SCAF8: variants seen among roughly 807,000 people sequenced by gnomAD.
The protein encoded by SCAF8 is SR-related and CTD-associated factor 8.
Under a neutral mutation model 140.5 loss-of-function variants are expected in SCAF8, and 23 were observed. The observed-to-expected ratio is 0.16, with a 90% CI of 0.12 to 0.23. The LOEUF (loss-of-function observed/expected upper bound fraction) is 0.23, where lower values mean the gene tolerates loss of function less well. Among genes scored for constraint, SCAF8 ranks in the 10% least tolerant of loss-of-function variants. SCAF8 has a pLI of 1.00. For synonymous variants in SCAF8, 575 were observed against 528.9 expected (o/e 1.09, Z -1.20); for missense variants, 1,397 against 1,555.7 (o/e 0.90, Z 1.72).
chr6:154,822,006 A>G (rs749637107), intron 15 of SCAF8, among the ~76,000 whole-genome samples: 28 of 152,188 alleles, frequency 1.8e-4, no homozygotes, highest in Non-Finnish European at 2.9e-4. Context: ...ATTGAGATAC[A>G]TATCTATTGT....
intron 1 of SCAF8, among the ~76,000 whole-genome samples, chr6:154,734,316 T>G (rs1406025957): frequency 6.6e-6 from 1 of 152,190 alleles, no homozygotes; most frequent in Non-Finnish European, 1.5e-5. Flanking sequence ...ACGCTGGACA[T>G]GACTCTCCAG....
At chr6:154,749,240 C>T (rs960052710) in intron 1 of SCAF8, among the ~76,000 whole-genome samples, 3 of 152,204 alleles carry the variant, frequency 2.0e-5, no homozygotes, top group East Asian at 3.8e-4. Flanking sequence ...CGCACCCAGC[C>T]TAAAATCTCT....
Position 154,811,960 on chromosome 6 carries a change from C to T in SCAF8, c.1420+1752C>T, listed in dbSNP as rs1778104683. ...TCATTGATGGACATTTGGATTGGTTCCAAATCTTTGCTACTGTGAGTAGTG... is the reference window on the plus strand; with the variant it reads ...TCATTGATGGACATTTGGATTGGTTTCAAATCTTTGCTACTGTGAGTAGTG... On this transcript the variant is annotated intron_variant, in intron 12 of 19. Transcript: ENST00000367178. 2.6e-5 allele frequency among the ~76,000 whole-genome samples: 4 copies of T among 152,004 alleles called. No individual in the cohort carries two copies. The South Asian group carries it at 8.3e-4, about 32-fold the overall frequency.
At chr6:154,829,248 T>A (rs1778657369) in intron 18 of SCAF8, among the ~76,000 whole-genome samples, 2 of 151,650 alleles carry the variant, frequency 1.3e-5, no homozygotes, top group Non-Finnish European at 2.9e-5. Context: ...TTTTTTTTTT[T>A]ACATTTTTAT....
intron 1 of SCAF8, among the ~76,000 whole-genome samples, chr6:154,753,918 G>T (rs535792258): frequency 2.6e-5 from 4 of 152,114 alleles, no homozygotes; most frequent in Non-Finnish European, 5.9e-5. Context: ...GCTCACCGTA[G>T]CCTTGAACTC....
Position 154,820,217 on chromosome 6 carries a change from A to G in SCAF8, c.1676A>G (p.Lys559Arg). The G allele has an allele frequency of 6.2e-7, 1 of 1,605,254 alleles. No individual in the cohort carries two copies. The highest frequency in any genetic ancestry group is 8.5e-7 in the Non-Finnish European group (1 of 1,177,590). ...ALNKGVKTEY[K>R]QFWDVDLGVT... ...AACAAAGGTGTAAAAACAGAATACA[A>G]ACAATTCTGGGATGTGGATCTTGGA... Residue 559 changes from lysine (K) to arginine (R), a missense_variant, in exon 15 of 20, where the codon AAA becomes AGA. By Grantham distance (26) the Lys-to-Arg change is conservative. Coordinates refer to ENST00000367178, the MANE Select transcript of SCAF8 (RefSeq NM_014892.5).
At chr6:154,821,165 G>A (rs1778411939) in intron 15 of SCAF8, among the ~76,000 whole-genome samples, 1 of 152,172 alleles carries the variant, frequency 6.6e-6, no homozygotes, top group African/African-American at 2.4e-5. Context: ...ATGGCAGTGA[G>A]ACAAATAGAC....
chr6:154,818,252 G>T (rs986696155), intron 13 of SCAF8, among the ~76,000 whole-genome samples: 3 of 151,892 alleles, frequency 2.0e-5, no homozygotes, highest in African/African-American at 7.3e-5. Flanking sequence ...CGTGGCTTAT[G>T]ATACCTAATT....
chr6:154,800,128 T>C lies in SCAF8; in HGVS notation c.607-1843T>C, dbSNP rs1053829335. Among the ~76,000 whole-genome samples, 43 of 151,464 alleles carry C rather than the reference T, an allele frequency of 2.8e-4. 1 individual carries two copies. The highest frequency in any genetic ancestry group is 8.4e-4 in the African/African-American group (35 of 41,480). ...CTGTAAACTCTTACCTGTCATTGTT[T>C]ACACTCCCGTTCTCTCTCGCCTCTG... On this transcript the variant is annotated intron_variant, in intron 6 of 19. Coordinates refer to ENST00000367178, the MANE Select transcript of SCAF8 (RefSeq NM_014892.5).
chr6:154,733,484 G>A lies in SCAF8; in HGVS notation c.-417G>A. 1 of 1,331,436 alleles carries A rather than the reference G, an allele frequency of 7.5e-7. No individual in the cohort carries two copies. The highest frequency in any genetic ancestry group is 3.9e-5 in the Admixed American group (1 of 25,572). The allele number at this position is 1,331,436 out of a possible 1,614,324, so 82.5% of individuals were successfully genotyped here. A position where few individuals can be genotyped will look rare whatever the true frequency, so the allele number is the denominator to read the frequency against. On this transcript the variant is annotated 5_prime_UTR_variant, in exon 1 of 20. Coordinates refer to ENST00000367178, the MANE Select transcript of SCAF8 (RefSeq NM_014892.5). Reference sequence around the variant, plus strand: ...TCTTCGCCGAGCGGGGCTGGTTCCTGCGGCCCGAGCGGCGGGGAGGTGAAA... The same window carrying A: ...TCTTCGCCGAGCGGGGCTGGTTCCTACGGCCCGAGCGGCGGGGAGGTGAAA...
At chr6:154,809,333 GA>G (rs1294935806) in intron 11 of SCAF8, among the ~76,000 whole-genome samples, 40 of 152,272 alleles carry the variant, frequency 2.6e-4, no homozygotes, top group African/African-American at 9.6e-4. Context: ...AATGGTGTAA[GA>G]GGGGCAGTAC....
intron 13 of SCAF8, among the ~76,000 whole-genome samples, chr6:154,817,511 G>T (rs1306162629): frequency 6.6e-6 from 1 of 152,090 alleles, no homozygotes; most frequent in Non-Finnish European, 1.5e-5. Context: ...ATTCAGTTTG[G>T]CATTTAGTAG....
intron 1 of SCAF8, among the ~76,000 whole-genome samples, chr6:154,749,143 G>A (rs1749034354): frequency 6.6e-6 from 1 of 152,066 alleles, no homozygotes; most frequent in African/African-American, 2.4e-5. Context: ...AGTTTCTCCT[G>A]GTTTATTAGG....
chr6:154,814,797 C>A (rs951710908), intron 12 of SCAF8, among the ~76,000 whole-genome samples: 79 of 152,288 alleles, frequency 5.2e-4, no homozygotes, highest in African/African-American at 1.9e-3. Flanking sequence ...CAAGGTGTCT[C>A]ATGTTTAATA....
chr6:154,754,161 TA>T (rs1311923282), intron 1 of SCAF8, among the ~76,000 whole-genome samples: 75 of 152,362 alleles, frequency 4.9e-4, no homozygotes, highest in African/African-American at 1.7e-3. Context: ...ATTGAAGACT[TA>T]AAATTCATGT....
intron 4 of SCAF8, among the ~76,000 whole-genome samples, chr6:154,790,051 T>A: frequency 6.6e-6 from 1 of 152,020 alleles, no homozygotes; most frequent in Admixed American, 6.5e-5. Context: ...GATTTCATAA[T>A]ATAATATCTC....
At chr6:154,787,781 C>T in intron 3 of SCAF8, 80 bp from the exon 4 acceptor site, 6 of 1,186,104 alleles carry the variant, frequency 5.1e-6, no homozygotes, top group Middle Eastern at 2.3e-4. Context: ...TGTATTTACA[C>T]AGGATTTTTG....
At chr6:154,752,408 A>G (rs1778859021) in intron 1 of SCAF8, among the ~76,000 whole-genome samples, 1 of 152,194 alleles carries the variant, frequency 6.6e-6, no homozygotes, top group African/African-American at 2.4e-5. Flanking sequence ...GTTGGTTTGA[A>G]TATTTAAAAA....
At chr6:154,736,563 C>T (rs531851963) in intron 1 of SCAF8, among the ~76,000 whole-genome samples, 207 of 152,288 alleles carry the variant, frequency 1.4e-3, no homozygotes, top group Non-Finnish European at 1.9e-3. Context: ...TGAGCCACTG[C>T]GCCTGGCCCA....
Sources: gnomAD v4.1 joint callset for allele counts (sites outside exome capture counted in the v4.1 genomes callset) on GRCh38, gnomAD v4.1.1 for gene constraint, MANE v1.5 for transcripts, NCBI Gene and HGNC (gene_info 2026-07-23, HGNC 2026-07-21) for gene names.